Variants in EIF2AK2 observed in about 807,000 individuals in gnomAD.
EIF2AK2 encodes the protein eukaryotic translation initiation factor 2 alpha kinase 2, also known as interferon-induced, double-stranded RNA-activated protein kinase.
A neutral mutation model predicts 70.5 loss-of-function variants in EIF2AK2; 40 were observed. The observed-to-expected ratio is 0.57, with a 90% CI of 0.44 to 0.74. The LOEUF (loss-of-function observed/expected upper bound fraction) is 0.74, where lower values mean the gene tolerates loss of function less well. Ranked by LOEUF, EIF2AK2 falls within the 30% of genes least tolerant of loss-of-function variation. EIF2AK2 has a pLI of 0.00. For synonymous variants in EIF2AK2, 198 were observed against 220.9 expected, an observed-to-expected ratio of 0.90 and a Z score of 0.92; for missense variants, 555 against 644.3, an observed-to-expected ratio of 0.86 and a Z score of 1.50.
intron 13 of EIF2AK2, among the ~76,000 whole-genome samples, chr2:37,117,259 T>G (rs1674379100): frequency 6.8e-6 from 1 of 147,430 alleles, no homozygotes; most frequent in African/African-American, 2.5e-5. Context: ...AAAAAGAAGC[T>G]GGGTATGGTG....
chr2:37,138,432 C>G, intron 7 of EIF2AK2, 69 bp from the exon 8 acceptor site: 2 of 1,599,178 alleles, frequency 1.3e-6, no homozygotes, highest in Non-Finnish European at 1.7e-6. Context: ...TCCCTAAATT[C>G]TCCTTAAACA....
intron 14 of EIF2AK2, among the ~76,000 whole-genome samples, chr2:37,112,269 G>A (rs550923062): frequency 3.9e-5 from 6 of 152,100 alleles, no homozygotes; most frequent in Non-Finnish European, 8.8e-5. Context: ...GACTGCTGCC[G>A]ACTTGTCATG....
chr2:37,106,590 G>C lies in EIF2AK2; in HGVS notation c.*683C>G, dbSNP rs551256793. 1 of 146,364 alleles carries C rather than the reference G, an allele frequency of 6.8e-6. No homozygotes were observed. The highest frequency in any genetic ancestry group is 2.1e-4 in the South Asian group (1 of 4,678). The allele number at this position is 146,364 out of a possible 1,614,324, so 9.1% of individuals were successfully genotyped here. On this transcript the variant is annotated 3_prime_UTR_variant, in exon 17 of 17. Coordinates refer to ENST00000233057, the MANE Select transcript of EIF2AK2 (RefSeq NM_001135651.3). ...TCACTTTTTTTTTTTTTTTTAATGA[G>C]TACCATATTTCTCCAGCTGGCTTGT...
At chr2:37,113,323 C>G (rs979392561) in intron 14 of EIF2AK2, among the ~76,000 whole-genome samples, 4 of 151,702 alleles carry the variant, frequency 2.6e-5, no homozygotes, top group Non-Finnish European at 5.9e-5. Context: ...TGGTGAAACC[C>G]GTCTTTACTA....
intron 14 of EIF2AK2, 30 bp from the exon 15 acceptor site, chr2:37,109,325 TTA>T: frequency 6.3e-7 from 1 of 1,586,310 alleles, no homozygotes; most frequent in Non-Finnish European, 8.6e-7. Flanking sequence ...TTTACCTTTG[TTA>T]TGCTCCTTAC....
At position 37,148,685 on chromosome 2, in the gene EIF2AK2, A is replaced by G. The variant is rs150926173; in HGVS notation, c.-17+172T>C. On this transcript the variant is annotated intron_variant, in intron 2 of 16. Coordinates refer to ENST00000233057, the MANE Select transcript of EIF2AK2 (RefSeq NM_001135651.3). ...AACTGGAAGGACACTTTCTAGGAAC[A>G]ATACAATTTGCTTTCATCACATAAA... The G allele has an allele frequency of 3.2e-4, 258 of 815,494 alleles. 2 individuals carry two copies. In the African/African-American group the frequency reaches 4.0e-3, roughly 13 times the overall value. The allele number at this position is 815,494 out of a possible 1,614,324, so 50.5% of individuals were successfully genotyped here.
At chr2:37,153,337 CTTTTT>C (rs1553340565) in intron 1 of EIF2AK2, among the ~76,000 whole-genome samples, 3 of 109,866 alleles carry the variant, frequency 2.7e-5, no homozygotes, top group Non-Finnish European at 1.8e-5. Context: ...CTCTGCTAAT[CTTTTT>C]TTTTTTTTTT....
chr2:37,153,442 C>T (rs191851587), intron 1 of EIF2AK2, among the ~76,000 whole-genome samples: 9 of 148,812 alleles, frequency 6.0e-5, no homozygotes, highest in East Asian at 2.1e-4. Context: ...TGGGCTCAAG[C>T]GATCCTCCCA....
In EIF2AK2 at chr2:37,148,944, G is replaced by A; in HGVS notation, c.-104C>T. 1 of 823,024 alleles carries A rather than the reference G, an allele frequency of 1.2e-6. No individual in the cohort carries two copies. Among genetic ancestry groups the A allele is most frequent in the Non-Finnish European group, 2.2e-6 (1 of 457,256 alleles). The allele number at this position is 823,024 out of a possible 1,614,324, so 51.0% of individuals were successfully genotyped here. A position where few individuals can be genotyped will look rare whatever the true frequency, so the allele number is the denominator to read the frequency against. The stretch of plus-strand genomic sequence containing the variant: ...AAGACCGCCAGAGAAGCAAACCTGA[G>A]TCAGATGGAAGAACTGCTAAAGTTT... On this transcript the variant is annotated 5_prime_UTR_variant, in exon 2 of 17. Coordinates refer to ENST00000233057, the MANE Select transcript of EIF2AK2 (RefSeq NM_001135651.3).
rs577119042 is a variant in EIF2AK2, at chr2:37,134,465, C to G, written c.785+1019G>C. On this transcript the variant is annotated intron_variant, in intron 10 of 16. Coordinates refer to ENST00000233057, the MANE Select transcript of EIF2AK2 (RefSeq NM_001135651.3). Reference sequence around the variant, plus strand: ...CAAGTATCACCTGAAACGAATGGAGCATTTCTGCAACCTGTTCGTTTTGCA... The same window carrying G: ...CAAGTATCACCTGAAACGAATGGAGGATTTCTGCAACCTGTTCGTTTTGCA... Among the ~76,000 whole-genome samples, 3 of 152,322 alleles carry G rather than the reference C, an allele frequency of 2.0e-5. No homozygotes were observed. The East Asian group carries it at 5.8e-4, about 29-fold the overall frequency.
chr2:37,112,668 T>A (rs988106633), intron 14 of EIF2AK2, among the ~76,000 whole-genome samples: 4 of 152,140 alleles, frequency 2.6e-5, no homozygotes, highest in African/African-American at 7.2e-5. Context: ...AAATATAAAA[T>A]AAATTAAGGA....
intron 1 of EIF2AK2, chr2:37,149,232 A>G (rs1403097243): frequency 6.5e-6 from 7 of 1,085,238 alleles, no homozygotes; most frequent in Non-Finnish European, 1.0e-5. Context: ...TGCCACTGTG[A>G]CCGCAAGTCA....
Position 37,103,219 on chromosome 2 carries a change from G to C in EIF2AK2, c.*4054C>G, listed in dbSNP as rs1673870728. On this transcript the variant is annotated 3_prime_UTR_variant, in exon 17 of 17. Transcript: ENST00000233057. ...TTTTTTCTTTTTTTTTTTTGAGACT[G>C]AGTTTTGCTCTTGTCACCCAGGCTG... 6.8e-6 allele frequency: 1 copy of C among 147,194 alleles called. No homozygotes were observed. The highest frequency in any genetic ancestry group is 2.5e-5 in the African/African-American group (1 of 39,860). The allele number at this position is 147,194 out of a possible 1,614,324, so 9.1% of individuals were successfully genotyped here. A position where few individuals can be genotyped will look rare whatever the true frequency, so the allele number is the denominator to read the frequency against.
intron 10 of EIF2AK2, among the ~76,000 whole-genome samples, chr2:37,133,295 C>G (rs888940075): frequency 1.3e-5 from 2 of 152,184 alleles, no homozygotes; most frequent in African/African-American, 2.4e-5. Context: ...AGTATTTGAA[C>G]TCATGCTCCT....
intron 11 of EIF2AK2, 147 bp from the exon 12 acceptor site, chr2:37,122,811 C>A: frequency 9.8e-7 from 1 of 1,018,298 alleles, no homozygotes. Flanking sequence ...GAAGCCAGGA[C>A]ATTCAAAAGG....
At chr2:37,141,404 T>C in intron 5 of EIF2AK2, 149 bp downstream of exon 5, 1 of 971,452 alleles carries the variant, frequency 1.0e-6, no homozygotes, top group Middle Eastern at 2.4e-4. Flanking sequence ...TAATTACAAA[T>C]TATAAATCCA....
chr2:37,141,236 A>G (rs1043309255), intron 5 of EIF2AK2, among the ~76,000 whole-genome samples: 3 of 152,196 alleles, frequency 2.0e-5, no homozygotes, highest in Non-Finnish European at 2.9e-5. Context: ...CATGTCCTCA[A>G]TGATGAAAAG....
chr2:37,153,482 G>A (rs1054621221), intron 1 of EIF2AK2, among the ~76,000 whole-genome samples: 7 of 151,814 alleles, frequency 4.6e-5, no homozygotes, highest in African/African-American at 1.7e-4. Context: ...TGGGACCATA[G>A]GCGTGGGCAT....
intron 11 of EIF2AK2, among the ~76,000 whole-genome samples, chr2:37,122,907 C>T (rs1278429728): frequency 6.6e-6 from 1 of 152,144 alleles, no homozygotes. Context: ...GTGGCTCAGG[C>T]CTGTAATCCC....
Sources: allele counts gnomAD v4.1 joint callset (sites outside exome capture counted in the v4.1 genomes callset), GRCh38; gene constraint gnomAD v4.1.1; transcripts MANE v1.5; gene names NCBI Gene and HGNC (gene_info 2026-07-23, HGNC 2026-07-21).